CDK13: variants seen among roughly 807,000 people sequenced by gnomAD.
CDK13 encodes cyclin dependent kinase 13.
CDK13 carries 40 observed loss-of-function variants against 137.6 expected under a neutral mutation model. That is an observed-to-expected ratio of 0.29 (90% CI 0.23 to 0.38). The LOEUF (loss-of-function observed/expected upper bound fraction) is 0.38, where lower values mean the gene tolerates loss of function less well. Among genes scored for constraint, CDK13 ranks in the 10% least tolerant of loss-of-function variants. The pLI, the probability that CDK13 is intolerant of heterozygous loss-of-function variation, is 1.00. For synonymous variants in CDK13, 869 were observed against 760.1 expected (o/e 1.14, Z -2.36); for missense variants, 1,704 against 1,951.8 (o/e 0.87, Z 2.39).
rs1407661254 is a variant in CDK13, at chr7:39,951,436, C to T, written c.795C>T (p.Ser265=). 9.1e-6 allele frequency: 14 copies of T among 1,536,254 alleles called. No homozygotes were observed. Among genetic ancestry groups the T allele is most frequent in the Admixed American group, 4.1e-5 (2 of 49,272 alleles). ...GCCGGAAAAGCGCTTCGGCCACATCCAGCAGCAGTAGCAGCCGCAAGGACC... is the reference window on the plus strand; with the variant it reads ...GCCGGAAAAGCGCTTCGGCCACATCTAGCAGCAGTAGCAGCCGCAAGGACC... ...GGRRKSASAT[S]SSSSSRKDRD... The change falls in exon 1 of 14, where the codon TCC becomes TCT. Residue 265 remains serine (S), a synonymous_variant. Coordinates refer to ENST00000181839, the MANE Select transcript of CDK13 (RefSeq NM_003718.5).
intron 11 of CDK13, among the ~76,000 whole-genome samples, chr7:40,084,072 C>A (rs1786732843): frequency 1.3e-5 from 2 of 152,142 alleles, no homozygotes; most frequent in African/African-American, 2.4e-5. Context: ...GGCACGGTGG[C>A]AGTGGCTCAT....
chr7:40,027,179 A>C (rs1785261392), intron 5 of CDK13, among the ~76,000 whole-genome samples: 1 of 152,256 alleles, frequency 6.6e-6, no homozygotes, highest in Admixed American at 6.5e-5. Context: ...CCCCGTCTCT[A>C]CTAAAAATAC....
At chr7:40,070,108 C>G (rs1439140565) in intron 9 of CDK13, 1 of 146,754 alleles carries the variant, frequency 6.8e-6, no homozygotes, top group African/African-American at 2.5e-5. Context: ...GGCATGGCGG[C>G]GGGCACCTGT....
chr7:39,950,425 T>G lies in CDK13; in HGVS notation c.-217T>G. The G allele has an allele frequency of 8.1e-7, 1 of 1,231,750 alleles. No individual in the cohort carries two copies. Among genetic ancestry groups the G allele is most frequent in the South Asian group, 4.0e-5 (1 of 25,078 alleles). The allele number at this position is 1,231,750 out of a possible 1,614,324, so 76.3% of individuals were successfully genotyped here. On this transcript the variant is annotated 5_prime_UTR_variant, in exon 1 of 14. The change creates a new upstream start codon in the 5' untranslated region. Coordinates refer to ENST00000181839, the MANE Select transcript of CDK13 (RefSeq NM_003718.5). ...CAATCGGGAGCTCCGCCGCCCGGAT[T>G]CCTGCTTCCCTGGGGCCCGGAGGCT...
At chr7:40,037,398 TG>T (rs1284790905) in intron 5 of CDK13, among the ~76,000 whole-genome samples, 1 of 152,214 alleles carries the variant, frequency 6.6e-6, no homozygotes, top group Non-Finnish European at 1.5e-5. Flanking sequence ...GTTCTCTTGA[TG>T]GGAGGTCTCA....
intron 5 of CDK13, among the ~76,000 whole-genome samples, chr7:40,042,339 C>G (rs1330756058): frequency 2.0e-5 from 3 of 151,704 alleles, no homozygotes; most frequent in Non-Finnish European, 4.4e-5. Context: ...CCTCGGCCTC[C>G]CAAAGTGCTG....
At position 39,950,258 on chromosome 7, in the gene CDK13, T is replaced by A. The variant is rs1403362802; in HGVS notation, c.-384T>A. ...AGTGAAGCGGCGACGAAGGTGGTAC[T>A]TCCGCGTTGCGCTGCCCGAGCCGAG... On this transcript the variant is annotated 5_prime_UTR_variant, in exon 1 of 14. Coordinates refer to ENST00000181839, the MANE Select transcript of CDK13 (RefSeq NM_003718.5). 1 of 1,034,674 alleles carries A rather than the reference T, an allele frequency of 9.7e-7. No individual in the cohort carries two copies. Among genetic ancestry groups the A allele is most frequent in the Non-Finnish European group, 1.2e-6 (1 of 862,628 alleles). The allele number at this position is 1,034,674 out of a possible 1,614,324, so 64.1% of individuals were successfully genotyped here. A position where few individuals can be genotyped will look rare whatever the true frequency, so the allele number is the denominator to read the frequency against.
At chr7:40,042,140 C>T (rs1193234050) in intron 5 of CDK13, among the ~76,000 whole-genome samples, 5 of 151,710 alleles carry the variant, frequency 3.3e-5, no homozygotes, top group South Asian at 2.1e-4. Flanking sequence ...CCCAGGCTGG[C>T]GCGATCTCGG....
At chr7:40,060,058 C>T (rs899299336) in intron 7 of CDK13, among the ~76,000 whole-genome samples, 6 of 152,158 alleles carry the variant, frequency 3.9e-5, no homozygotes, top group East Asian at 1.9e-4. Flanking sequence ...ACTATTTTCA[C>T]GTCTGAATTA....
chr7:40,098,545 C>G lies in CDK13; in HGVS notation c.*3565C>G, dbSNP rs538822290. On this transcript the variant is annotated 3_prime_UTR_variant, in exon 14 of 14. Transcript: ENST00000181839. ...TTTCAATTTTTTTTTTTTTTTTGGC[C>G]CAGTCTGCCTTTTGATGTTTTAAAA... 1 of 148,178 alleles carries G rather than the reference C, an allele frequency of 6.7e-6. No individual in the cohort carries two copies. The highest frequency in any genetic ancestry group is 2.0e-4 in the East Asian group (1 of 5,094). 9.2% of individuals were successfully genotyped at this position (148,178 alleles called of 1,614,324 possible).
At chr7:39,977,846 G>A (rs1304879134) in intron 1 of CDK13, among the ~76,000 whole-genome samples, 1 of 152,138 alleles carries the variant, frequency 6.6e-6, no homozygotes, top group Non-Finnish European at 1.5e-5. Flanking sequence ...GGGATAAAGA[G>A]CATGGAAAAA....
intron 5 of CDK13, among the ~76,000 whole-genome samples, chr7:40,034,329 A>G (rs1394764041): frequency 6.6e-6 from 1 of 152,136 alleles, no homozygotes; most frequent in Non-Finnish European, 1.5e-5. Context: ...TGTGACTCCA[A>G]TTTCTGCAAT....
chr7:39,991,290 A>C (rs958402413), intron 2 of CDK13, among the ~76,000 whole-genome samples: 1 of 152,246 alleles, frequency 6.6e-6, no homozygotes, highest in African/African-American at 2.4e-5. Context: ...AGGAAACCCG[A>C]ATATGGGAGG....
rs185277441 is a variant in CDK13, at chr7:39,972,034, A to G, written c.1212-15565A>G. On this transcript the variant is annotated intron_variant, in intron 1 of 13. Transcript: ENST00000181839. ...AAAGTATGTGCTTTTGTGCATGTCAAGTACTGAGCTCCCTTCTACTCTTCT... is the reference window on the plus strand; with the variant it reads ...AAAGTATGTGCTTTTGTGCATGTCAGGTACTGAGCTCCCTTCTACTCTTCT... 2.0e-5 allele frequency among the ~76,000 whole-genome samples: 3 copies of G among 152,356 alleles called. No individual in the cohort carries two copies. In the East Asian group the frequency reaches 5.8e-4, roughly 29 times the overall value.
intron 1 of CDK13, among the ~76,000 whole-genome samples, chr7:39,962,277 C>A (rs1256602794): frequency 1.3e-5 from 2 of 152,162 alleles, no homozygotes; most frequent in Non-Finnish European, 2.9e-5. Flanking sequence ...TCCTATTTCT[C>A]CACATCCTCT....
chr7:39,994,212 CTAT>C (rs1462669392), intron 2 of CDK13, among the ~76,000 whole-genome samples: 1 of 151,902 alleles, frequency 6.6e-6, no homozygotes, highest in African/African-American at 2.4e-5. Flanking sequence ...CTAGTCAAAT[CTAT>C]TATTCTCTTT....
intron 9 of CDK13, among the ~76,000 whole-genome samples, chr7:40,074,044 G>C (rs1015488444): frequency 2.6e-5 from 4 of 151,828 alleles, no homozygotes; most frequent in African/African-American, 9.7e-5. Flanking sequence ...TGGGATTACA[G>C]GTGTGCGCCA....
chr7:39,999,563 T>G (rs1784640369), intron 4 of CDK13, 63 bp downstream of exon 4: 1 of 1,469,698 alleles, frequency 6.8e-7, no homozygotes, highest in African/African-American at 1.4e-5. Flanking sequence ...GTGTTTCTCT[T>G]CTGATGTTTG....
intron 2 of CDK13, among the ~76,000 whole-genome samples, chr7:39,992,983 G>A (rs760897277): frequency 3.3e-5 from 5 of 152,140 alleles, no homozygotes; most frequent in Non-Finnish European, 5.9e-5. Flanking sequence ...GATGAGCAAC[G>A]TTAAGGTCTC....
Sources: allele counts gnomAD v4.1 joint callset (sites outside exome capture counted in the v4.1 genomes callset), GRCh38; gene constraint gnomAD v4.1.1; transcripts MANE v1.5; gene names NCBI Gene and HGNC (gene_info 2026-07-23, HGNC 2026-07-21).